Variants in RFX2 observed in about 807,000 individuals in gnomAD.
The protein encoded by RFX2 is regulatory factor X2.
In RFX2, 20 loss-of-function variants were observed where a neutral mutation model predicts 87.8. The observed-to-expected ratio is 0.23, with a 90% CI of 0.16 to 0.33. RFX2 has a LOEUF of 0.33. Among genes scored for constraint, RFX2 ranks in the 10% least tolerant of loss-of-function variants. RFX2 has a pLI of 1.00. For synonymous variants in RFX2, 397 were observed against 431.3 expected, an observed-to-expected ratio of 0.92 and a Z score of 0.98; for missense variants, 767 against 1,012.3, an observed-to-expected ratio of 0.76 and a Z score of 3.29.
At chr19:6,094,544 G>T (rs1439165718) in intron 1 of RFX2, among the ~76,000 whole-genome samples, 1 of 152,178 alleles carries the variant, frequency 6.6e-6, no homozygotes, top group Non-Finnish European at 1.5e-5. Context: ...AGCCAATATA[G>T]TGGTCACCTT....
intron 2 of RFX2, among the ~76,000 whole-genome samples, chr19:6,046,563 C>CCA (rs2087192849): frequency 8.5e-6 from 1 of 117,080 alleles, no homozygotes. Flanking sequence ...CGTCCCCCCC[C>CCA]AAAAAAAAAA....
At chr19:6,041,118 G>C (rs565984880) in intron 4 of RFX2, among the ~76,000 whole-genome samples, 4 of 152,208 alleles carry the variant, frequency 2.6e-5, no homozygotes, top group South Asian at 4.1e-4. Flanking sequence ...GCCCAGACTT[G>C]AGTGCAGTGG....
intron 4 of RFX2, among the ~76,000 whole-genome samples, chr19:6,041,012 T>G (rs1307583932): frequency 1.3e-5 from 2 of 152,198 alleles, no homozygotes; most frequent in African/African-American, 4.8e-5. Flanking sequence ...CTGGTAGAAC[T>G]GAATAAGGCC....
chr19:6,040,100 G>A lies in RFX2; in HGVS notation c.402C>T (p.Gly134=), dbSNP rs2087086258. 1 of 1,612,050 alleles carries A rather than the reference G, an allele frequency of 6.2e-7. No homozygotes were observed. Among genetic ancestry groups the A allele is most frequent in the East Asian group, 2.2e-5 (1 of 44,862 alleles). Residue 134 remains glycine, a synonymous_variant, in exon 5 of 18, where the codon GGC becomes GGT. Coordinates refer to ENST00000303657, the MANE Select transcript of RFX2 (RefSeq NM_000635.4). The surrounding 1 kb of genome is among the most constrained non-coding windows in gnomAD (Gnocchi z 6.1). Reference sequence around the variant, plus strand: ...GGCTCCCCCCGACATCCATGGTGATGCCCACCATGCTGTGGGAGGGGACCG... The same window carrying A: ...GGCTCCCCCCGACATCCATGGTGATACCCACCATGCTGTGGGAGGGGACCG... ...PPAVPSHSMV[G]ITMDVGGSPI...
rs1391570932 is a variant in RFX2, at chr19:6,045,969, G to A, written c.90+1438C>T. Among the ~76,000 whole-genome samples, 3 of 152,130 alleles carry A rather than the reference G, an allele frequency of 2.0e-5. No homozygotes were observed. Among genetic ancestry groups the A allele is most frequent in the African/African-American group, 4.8e-5 (2 of 41,422 alleles). On this transcript the variant is annotated intron_variant, in intron 2 of 17. Transcript: ENST00000303657. The surrounding 1 kb of genome is among the most constrained non-coding windows in gnomAD (Gnocchi z 5.2). ...CCCAAAGTGCTGGGATTACAGGCAT[G>A]TGCCACCATGCCTGGCCCTGAATTG... is the stretch of plus-strand genomic sequence containing the variant.
At position 6,085,330 on chromosome 19, in the gene RFX2, T is replaced by G. The variant is rs947766367; in HGVS notation, c.-9+25063A>C. 3.3e-5 allele frequency among the ~76,000 whole-genome samples: 5 copies of G among 152,240 alleles called. No homozygotes were observed. In the East Asian group the frequency reaches 7.7e-4, roughly 23 times the overall value. ...AACAGTCATCGTAATGGGTGTGAAG[T>G]GGTATCTTATTAGGGTTTTGATTTG... is the stretch of plus-strand genomic sequence containing the variant. On this transcript the variant is annotated intron_variant, in intron 1 of 17. Transcript: ENST00000303657.
intron 1 of RFX2, among the ~76,000 whole-genome samples, chr19:6,076,375 C>T (rs1021866456): frequency 2.0e-5 from 3 of 151,990 alleles, no homozygotes; most frequent in African/African-American, 7.3e-5. Context: ...AAGAAACAAA[C>T]GTTCATCAAC....
Position 5,997,042 on chromosome 19 carries a change from A to G in RFX2, c.2013+18T>C, listed in dbSNP as rs1285849607. On this transcript the variant is annotated intron_variant, in intron 16 of 17. Coordinates refer to ENST00000303657, the MANE Select transcript of RFX2 (RefSeq NM_000635.4). This position sits in a 1 kb window ranked among gnomAD's most constrained non-coding sequence, Gnocchi z 4.2. ...GGCCCGGCCAAGCCCCGGCCGTCCC[A>G]CCCAGGAGGGTCCTCACCTCTCCCA... The G allele has an allele frequency of 6.2e-7, 1 of 1,602,412 alleles. No homozygotes were observed. Among genetic ancestry groups the G allele is most frequent in the African/African-American group, 1.3e-5 (1 of 74,722 alleles).
chr19:6,021,810 G>T lies in RFX2; in HGVS notation c.597+4353C>A, dbSNP rs543442331. Among the ~76,000 whole-genome samples the T allele has an allele frequency of 6.6e-6, 1 of 152,214 alleles. No homozygotes were observed. The highest frequency in any genetic ancestry group is 1.5e-5 in the Non-Finnish European group (1 of 68,032). On this transcript the variant is annotated intron_variant, in intron 6 of 17. Transcript: ENST00000303657. This position sits in a 1 kb window ranked among gnomAD's most constrained non-coding sequence, Gnocchi z 5.7. Reference sequence around the variant, plus strand: ...AGGCTTCCAAGCAGAGCAGTGTGGCGATCTGACCTGGGTTTTAGCAGGATC... The same window carrying T: ...AGGCTTCCAAGCAGAGCAGTGTGGCTATCTGACCTGGGTTTTAGCAGGATC...
rs983505526 is a variant in RFX2, at chr19:6,101,663, A to C, written c.-9+8730T>G. On this transcript the variant is annotated intron_variant, in intron 1 of 17. Coordinates refer to ENST00000303657, the MANE Select transcript of RFX2 (RefSeq NM_000635.4). This position sits in a 1 kb window ranked among gnomAD's most constrained non-coding sequence, Gnocchi z 4.9. ...CCAGGAGACAGGCGTTCATGAGTCA[A>C]GCCTTCTGCCTTTCTGTGGGGACCC... 1.3e-5 allele frequency among the ~76,000 whole-genome samples: 2 copies of C among 152,240 alleles called. No homozygotes were observed. Among genetic ancestry groups the C allele is most frequent in the African/African-American group, 2.4e-5 (1 of 41,456 alleles).
intron 1 of RFX2, among the ~76,000 whole-genome samples, chr19:6,091,681 TAACA>T (rs2087937460): frequency 6.6e-6 from 1 of 152,220 alleles, no homozygotes; most frequent in South Asian, 2.1e-4. Flanking sequence ...TAAACTTCAG[TAACA>T]AACAACAATA....
chr19:6,030,510 T>C (rs1394961141), intron 5 of RFX2, among the ~76,000 whole-genome samples: 1 of 152,204 alleles, frequency 6.6e-6, no homozygotes, highest in East Asian at 1.9e-4. Context: ...AAAGACTATA[T>C]ATTATATAAT....
Position 6,004,154 on chromosome 19 carries a change from C to A in RFX2, c.1500+47G>T, listed in dbSNP as rs777194658. ...GTCCTCATGCTGTCCTGGACTGGAG[C>A]CCCTCCCAGCCATCGTTGGGGAGCC... is the stretch of plus-strand genomic sequence containing the variant. On this transcript the variant is annotated intron_variant, in intron 13 of 17. Coordinates refer to ENST00000303657, the MANE Select transcript of RFX2 (RefSeq NM_000635.4). This position sits in a 1 kb window ranked among gnomAD's most constrained non-coding sequence, Gnocchi z 4.8. The A allele has an allele frequency of 7.1e-7, 1 of 1,401,814 alleles. No individual in the cohort carries two copies. Among genetic ancestry groups the A allele is most frequent in the South Asian group, 1.2e-5 (1 of 86,660 alleles). The allele number at this position is 1,401,814 out of a possible 1,614,324, so 86.8% of individuals were successfully genotyped here.
At chr19:6,088,211 C>CTTT (rs1030226963) in intron 1 of RFX2, among the ~76,000 whole-genome samples, 887 of 84,334 alleles carry the variant, frequency 0.011, 25 homozygotes, top group African/African-American at 0.033. Context: ...GGCACTACAG[C>CTTT]TTTTTTTTTT....
At chr19:6,071,303 T>A (rs1054783842) in intron 1 of RFX2, among the ~76,000 whole-genome samples, 24 of 152,212 alleles carry the variant, frequency 1.6e-4, no homozygotes, top group Non-Finnish European at 3.5e-4. Context: ...CAGAGCTCCC[T>A]GGCTCCAGAC....
chr19:6,009,680 C>T (rs1279352122), intron 9 of RFX2, among the ~76,000 whole-genome samples: 2 of 152,116 alleles, frequency 1.3e-5, no homozygotes, highest in Non-Finnish European at 2.9e-5. Context: ...CTTCTGGGCT[C>T]AAGTGATCCT....
chr19:6,067,007 G>A (rs2087524076), intron 1 of RFX2, among the ~76,000 whole-genome samples: 1 of 152,084 alleles, frequency 6.6e-6, no homozygotes, highest in South Asian at 2.1e-4. Context: ...CTTCTCTATA[G>A]TAACTGAGGG....
intron 17 of RFX2, 139 bp downstream of exon 17, chr19:5,995,462 T>A (rs538503310): frequency 1.2e-6 from 1 of 826,796 alleles, no homozygotes; most frequent in Non-Finnish European, 2.0e-6. Context: ...ACTGTCCGGA[T>A]GACAGATCCC....
intron 1 of RFX2, among the ~76,000 whole-genome samples, chr19:6,088,868 C>T (rs1487754381): frequency 6.6e-6 from 1 of 152,126 alleles, no homozygotes; most frequent in Admixed American, 6.5e-5. Flanking sequence ...ATGACTCAAC[C>T]CCATCCATTG....
Sources: allele counts gnomAD v4.1 joint callset (sites outside exome capture counted in the v4.1 genomes callset), GRCh38; gene constraint gnomAD v4.1.1; non-coding constraint Gnocchi (gnomAD v3.1); transcripts MANE v1.5; gene names NCBI Gene and HGNC (gene_info 2026-07-23, HGNC 2026-07-21).